The following CACNA1C variants were observed in gnomAD, a reference collection of about 807,000 sequenced individuals.
CACNA1C encodes voltage-dependent L-type calcium channel subunit alpha-1C.
Under a neutral mutation model 229.0 loss-of-function variants are expected in CACNA1C, and 30 were observed. That is an observed-to-expected ratio of 0.13 (90% CI 0.10 to 0.18). CACNA1C has a LOEUF of 0.18. CACNA1C is among the 10% of genes least tolerant of loss of function. CACNA1C has a pLI of 1.00. For synonymous variants in CACNA1C, 1,114 were observed against 1,132.5 expected (o/e 0.98, Z 0.33); for missense variants, 1,658 against 2,845.0 (o/e 0.58, Z 9.49).
intron 3 of CACNA1C, among the ~76,000 whole-genome samples, chr12:2,340,830 G>A (rs1347069562): frequency 2.6e-5 from 4 of 152,074 alleles, no homozygotes; most frequent in Non-Finnish European, 4.4e-5. Flanking sequence ...GGTGGCGGGC[G>A]CCTGTAGTCC....
chr12:2,257,867 T>G (rs1299902516), intron 3 of CACNA1C, among the ~76,000 whole-genome samples: 1 of 152,266 alleles, frequency 6.6e-6, no homozygotes, highest in Non-Finnish European at 1.5e-5. Flanking sequence ...TCACTTGGTC[T>G]TACTGTTAGG....
At chr12:2,637,061 C>G (rs1270652291) in intron 30 of CACNA1C, among the ~76,000 whole-genome samples, 2 of 152,206 alleles carry the variant, frequency 1.3e-5, no homozygotes, top group Admixed American at 6.5e-5. Context: ...AAAGAACAAA[C>G]ATAACATCCC....
chr12:2,414,427 G>A (rs986100764), intron 3 of CACNA1C, among the ~76,000 whole-genome samples: 2 of 152,146 alleles, frequency 1.3e-5, no homozygotes, highest in Admixed American at 1.3e-4. Flanking sequence ...AGCTTCCCGT[G>A]GATGGCCGGA....
Position 2,479,813 on chromosome 12 carries a change from G to A in CACNA1C, c.758-6291G>A, listed in dbSNP as rs147745208. ...ATCACATGTAGAAGGGGTTTTCCCA[G>A]GCTTGAGGTTGACTCGCCATTTCTT... On this transcript the variant is annotated intron_variant, in intron 5 of 46. Transcript: ENST00000399655. This position sits in a 1 kb window ranked among gnomAD's most constrained non-coding sequence, Gnocchi z 4.3. Among the ~76,000 whole-genome samples, 287 of 152,328 alleles carry A rather than the reference G, an allele frequency of 1.9e-3. 1 individual carries two copies. Among genetic ancestry groups the A allele is most frequent in the African/African-American group, 6.5e-3 (271 of 41,566 alleles).
chr12:2,608,483 CCT>C lies in CACNA1C; in HGVS notation c.3357-25_3357-24del, dbSNP rs781065898. ...AGAGGGGACCCTGCTTCTCCAGTTC[CCT>C]CTGTGGGACCTGTCTCCTCCTGCAG... is the stretch of plus-strand genomic sequence containing the variant. On this transcript the variant is annotated intron_variant, in intron 26 of 46. Transcript: ENST00000399655. The surrounding 1 kb of genome is among the most constrained non-coding windows in gnomAD (Gnocchi z 4.2). The C allele has an allele frequency of 6.4e-7, 1 of 1,568,126 alleles. No individual in the cohort carries two copies. The highest frequency in any genetic ancestry group is 1.4e-5 in the African/African-American group (1 of 73,952).
intron 5 of CACNA1C, among the ~76,000 whole-genome samples, chr12:2,460,802 G>A (rs1002797750): frequency 2.0e-5 from 3 of 152,180 alleles, no homozygotes; most frequent in African/African-American, 4.8e-5. Context: ...GAGCAGCAAC[G>A]GTGTCTGGTT....
At chr12:2,252,312 CA>C (rs1389396979) in intron 3 of CACNA1C, among the ~76,000 whole-genome samples, 1 of 152,024 alleles carries the variant, frequency 6.6e-6, no homozygotes, top group African/African-American at 2.4e-5. Context: ...AAAGAAAGTC[CA>C]AAAAAGGGCT....
At chr12:2,344,548 T>C (rs953616232) in intron 3 of CACNA1C, among the ~76,000 whole-genome samples, 15 of 152,180 alleles carry the variant, frequency 9.9e-5, no homozygotes, top group African/African-American at 3.6e-4. Context: ...GTGCTTATCA[T>C]TCCAGAGAAT....
intron 3 of CACNA1C, among the ~76,000 whole-genome samples, chr12:2,296,821 C>T (rs191465853): frequency 6.6e-6 from 1 of 152,364 alleles, no homozygotes; most frequent in Non-Finnish European, 1.5e-5. Flanking sequence ...AAATGTTCCA[C>T]TGCCTGAGAT....
chr12:2,070,776 C>T (rs772328398), intron 1 of CACNA1C, among the ~76,000 whole-genome samples: 13 of 152,110 alleles, frequency 8.5e-5, no homozygotes, highest in Non-Finnish European at 1.6e-4. Context: ...CTTGAAGATT[C>T]GTATCACTCA....
intron 3 of CACNA1C, among the ~76,000 whole-genome samples, chr12:2,310,951 A>G (rs1354145711): frequency 1.3e-5 from 2 of 152,214 alleles, no homozygotes; most frequent in African/African-American, 4.8e-5. Context: ...TGATGTCTGC[A>G]ACAGCATAAA....
intron 29 of CACNA1C, among the ~76,000 whole-genome samples, chr12:2,621,761 T>G (rs1410326604): frequency 6.6e-6 from 1 of 152,126 alleles, no homozygotes; most frequent in Non-Finnish European, 1.5e-5. Context: ...TTCCTGGCTT[T>G]CCCTGAGTGG....
intron 3 of CACNA1C, among the ~76,000 whole-genome samples, chr12:2,268,818 C>A (rs947298190): frequency 2.6e-5 from 4 of 152,218 alleles, no homozygotes; most frequent in Admixed American, 1.3e-4. Flanking sequence ...AGGGATAGAA[C>A]GAGATGGTCC....
intron 11 of CACNA1C, among the ~76,000 whole-genome samples, chr12:2,565,371 G>C (rs926670276): frequency 6.6e-6 from 1 of 151,672 alleles, no homozygotes; most frequent in Non-Finnish European, 1.5e-5. Flanking sequence ...GGAGGCTGAG[G>C]CAGGAGAATG....
intron 3 of CACNA1C, among the ~76,000 whole-genome samples, chr12:2,216,265 C>T (rs953846721): frequency 6.6e-6 from 1 of 152,188 alleles, no homozygotes; most frequent in African/African-American, 2.4e-5. Flanking sequence ...TCTGGCCCCT[C>T]TTATTGTCCC....
rs141975320 is a variant in CACNA1C at position 2,001,583 on chromosome 12, G to A, written c.139+30382G>A. Among the ~76,000 whole-genome samples, 887 of 152,260 alleles carry A rather than the reference G, an allele frequency of 5.8e-3. 7 individuals are homozygous for A. The highest frequency in any genetic ancestry group is 0.02 in the African/African-American group (844 of 41,534). ...TATTCTCAGTTAAAATAATCAAAAA[G>A]TAGGTCTCAACTTATCCTCCCAAAT... On this transcript the variant is annotated intron_variant, in intron 1 of 46. Coordinates refer to the CACNA1C transcript ENST00000682462.
intron 13 of CACNA1C, among the ~76,000 whole-genome samples, chr12:2,581,030 G>A (rs2060282362): frequency 6.6e-6 from 1 of 152,214 alleles, no homozygotes; most frequent in African/African-American, 2.4e-5. Flanking sequence ...TTACCCGTGG[G>A]TGACCTAATT....
At chr12:2,375,665 C>T (rs568278354) in intron 3 of CACNA1C, among the ~76,000 whole-genome samples, 86 of 152,296 alleles carry the variant, frequency 5.6e-4, no homozygotes, top group Non-Finnish European at 1.1e-3. Flanking sequence ...TACATCATAC[C>T]CTAAGGATGC....
rs371812517 is a variant in CACNA1C at position 2,053,647 on chromosome 12, T to C, written c.49+36T>C. ...ACCCCGCCGCCTCGCCGGGGCTCCC[T>C]GCCTTTTCCACCGGGTTCCTGCCCT... On this transcript the variant is annotated intron_variant, in intron 1 of 46. Transcript: ENST00000399655. This position sits in a 1 kb window ranked among gnomAD's most constrained non-coding sequence, Gnocchi z 5.8. The C allele has an allele frequency of 6.7e-7, 1 of 1,498,484 alleles. No homozygotes were observed. The highest frequency in any genetic ancestry group is 2.8e-5 in the East Asian group (1 of 36,238). The allele number at this position is 1,498,484 out of a possible 1,614,324, so 92.8% of individuals were successfully genotyped here. A position where few individuals can be genotyped will look rare whatever the true frequency, so the allele number is the denominator to read the frequency against.
Sources: gnomAD v4.1 joint callset for allele counts (sites outside exome capture counted in the v4.1 genomes callset) on GRCh38, gnomAD v4.1.1 for gene constraint, Gnocchi (gnomAD v3.1) non-coding constraint, MANE v1.5 for transcripts, NCBI Gene and HGNC (gene_info 2026-07-23, HGNC 2026-07-21) for gene names.